Variants in ADGRB1 observed in about 807,000 individuals in gnomAD.
ADGRB1 encodes brain-specific angiogenesis inhibitor 1.
Under a neutral mutation model 175.7 loss-of-function variants are expected in ADGRB1, and 36 were observed. The ratio of observed to expected loss-of-function variants is 0.20; its 90% confidence interval spans 0.16 to 0.27. ADGRB1 has a LOEUF of 0.27. ADGRB1 is among the 10% of genes least tolerant of loss of function. The pLI, the probability that ADGRB1 is intolerant of heterozygous loss-of-function variation, is 1.00. For missense variants in ADGRB1, 1,731 were observed against 2,255.3 expected (o/e 0.77, Z 4.71); for synonymous variants, 1,054 against 979.4 (o/e 1.08, Z -1.42).
chr8:142,459,586 G>A (rs915441918), intron 1 of ADGRB1, among the ~76,000 whole-genome samples: 5 of 152,194 alleles, frequency 3.3e-5, no homozygotes, highest in Non-Finnish European at 5.9e-5. Context: ...AGTACAGCAC[G>A]AAGCCCAGGC....
chr8:142,525,459 C>T (rs1026663529), intron 23 of ADGRB1, among the ~76,000 whole-genome samples: 15 of 152,114 alleles, frequency 9.9e-5, no homozygotes, highest in Middle Eastern at 3.4e-3. Flanking sequence ...CTTGGGGCCA[C>T]GTGGGGCAGG....
intron 3 of ADGRB1, among the ~76,000 whole-genome samples, chr8:142,476,266 C>T (rs565856137): frequency 6.6e-6 from 1 of 152,284 alleles, no homozygotes; most frequent in East Asian, 1.9e-4. Flanking sequence ...CCCGGGGCAT[C>T]GGCTGGGCTG....
Position 142,493,809 on chromosome 8 carries a change from C to G in ADGRB1, c.2675+2994C>G, listed in dbSNP as rs1842091680. 6.6e-6 allele frequency among the ~76,000 whole-genome samples: 1 copy of G among 152,236 alleles called. No homozygotes were observed. The highest frequency in any genetic ancestry group is 1.5e-5 in the Non-Finnish European group (1 of 68,036). Reference sequence around the variant, plus strand: ...GGGAAGGACTGGGACTGACCTCGGTCCCCTTCCTTCTGCCCCTCACCTCCC... The same window carrying G: ...GGGAAGGACTGGGACTGACCTCGGTGCCCTTCCTTCTGCCCCTCACCTCCC... On this transcript the variant is annotated intron_variant, in intron 17 of 30. Transcript: ENST00000517894. This position sits in a 1 kb window ranked among gnomAD's most constrained non-coding sequence, Gnocchi z 5.0.
Position 142,542,482 on chromosome 8 carries a change from C to T in ADGRB1, c.4248C>T (p.Pro1416=). The T allele has an allele frequency of 7.6e-7, 1 of 1,312,568 alleles. No homozygotes were observed. The highest frequency in any genetic ancestry group is 1.0e-6 in the Non-Finnish European group (1 of 1,004,498). The allele number at this position is 1,312,568 out of a possible 1,614,324, so 81.3% of individuals were successfully genotyped here. The change falls in exon 28 of 31, where the codon CCC becomes CCT. Residue 1416 remains proline (P), a synonymous_variant. Coordinates refer to ENST00000517894, the MANE Select transcript of ADGRB1 (RefSeq NM_001702.3). This position sits in a 1 kb window ranked among gnomAD's most constrained non-coding sequence, Gnocchi z 6.3. ...APPAQPPPPP[P]PPPPPPQQPL... is the part of the protein sequence containing the mutation. ...CTGCCCAGCCCCCACCGCCTCCGCCCCCACCGCCACCACCTCCCCAGCAGC... is the reference window on the plus strand; with the variant it reads ...CTGCCCAGCCCCCACCGCCTCCGCCTCCACCGCCACCACCTCCCCAGCAGC...
chr8:142,533,117 T>C (rs7837059), intron 24 of ADGRB1, among the ~76,000 whole-genome samples, 178 bp from the exon 25 acceptor site: 53,548 of 151,824 alleles, frequency 0.35, 9,942 homozygotes, highest in East Asian at 0.69. Context: ...GCCTGGGCAG[T>C]GGTGGACCCC....
chr8:142,483,545 C>T (rs555777829), intron 11 of ADGRB1, among the ~76,000 whole-genome samples: 12 of 139,362 alleles, frequency 8.6e-5, no homozygotes, highest in Non-Finnish European at 1.5e-4. Context: ...TGCTGAGCCT[C>T]AATCCTAGTC....
At chr8:142,540,045 G>A (rs1022809618) in intron 27 of ADGRB1, 1 of 153,390 alleles carries the variant, frequency 6.5e-6, no homozygotes, top group African/African-American at 2.4e-5. Flanking sequence ...GACTGCGAGG[G>A]TCTGTTTCTG....
At chr8:142,465,219 G>A (rs543610542) in intron 2 of ADGRB1, among the ~76,000 whole-genome samples, 8 of 152,348 alleles carry the variant, frequency 5.3e-5, no homozygotes, top group Non-Finnish European at 8.8e-5. Context: ...CCATCCACCC[G>A]TGCACAGAGT....
intron 2 of ADGRB1, among the ~76,000 whole-genome samples, chr8:142,469,678 A>G (rs112611614): frequency 7.4e-6 from 1 of 135,070 alleles, no homozygotes; most frequent in Non-Finnish European, 1.6e-5. Flanking sequence ...TGTGCACGTG[A>G]ATGTGTGTGA....
intron 18 of ADGRB1, among the ~76,000 whole-genome samples, chr8:142,512,755 A>G (rs1397296287): frequency 6.6e-6 from 1 of 152,228 alleles, no homozygotes; most frequent in African/African-American, 2.4e-5. Flanking sequence ...GGCAGTCCCC[A>G]GGCGGTGGCA....
At chr8:142,471,896 C>G (rs1337011282) in intron 2 of ADGRB1, among the ~76,000 whole-genome samples, 1 of 152,252 alleles carries the variant, frequency 6.6e-6, no homozygotes, top group African/African-American at 2.4e-5. Flanking sequence ...GCAGGGGGCC[C>G]TGGTCTAGGT....
At chr8:142,478,155 C>T in intron 6 of ADGRB1, 32 bp from the exon 7 acceptor site, 1 of 1,579,962 alleles carries the variant, frequency 6.3e-7, no homozygotes, top group Non-Finnish European at 8.6e-7. Context: ...GCCGGGTGTT[C>T]ACGCCCACTT....
intron 17 of ADGRB1, among the ~76,000 whole-genome samples, chr8:142,494,117 C>G (rs1453649446): frequency 2.0e-5 from 3 of 152,134 alleles, no homozygotes; most frequent in African/African-American, 7.2e-5. Context: ...AGCCATCAGT[C>G]ACCATCAGCT....
rs984682585 is a variant in ADGRB1 at position 142,535,546 on chromosome 8, G to A, written c.3571-1441G>A. 2.0e-5 allele frequency among the ~76,000 whole-genome samples: 3 copies of A among 152,328 alleles called. No homozygotes were observed. The East Asian group carries it at 5.8e-4, about 29-fold the overall frequency. On this transcript the variant is annotated intron_variant, in intron 25 of 30. Coordinates refer to ENST00000517894, the MANE Select transcript of ADGRB1 (RefSeq NM_001702.3). Reference sequence around the variant, plus strand: ...CCTCAGCCTCGGGGGTGGTGGCCAGGGCTGCAGAGCATGCTGAGGAGGCTG... The same window carrying A: ...CCTCAGCCTCGGGGGTGGTGGCCAGAGCTGCAGAGCATGCTGAGGAGGCTG...
intron 26 of ADGRB1, among the ~76,000 whole-genome samples, chr8:142,538,369 T>C (rs1211875129): frequency 6.6e-6 from 1 of 152,160 alleles, no homozygotes; most frequent in Non-Finnish European, 1.5e-5. Context: ...CCACTTCGGC[T>C]CTTGGGTGAC....
chr8:142,514,258 C>T (rs1337976941), intron 18 of ADGRB1, among the ~76,000 whole-genome samples: 2 of 151,950 alleles, frequency 1.3e-5, no homozygotes, highest in Non-Finnish European at 2.9e-5. Flanking sequence ...CCCCGGGAGC[C>T]AGGGTGGGAT....
At chr8:142,462,727 G>A (rs965356555) in intron 1 of ADGRB1, among the ~76,000 whole-genome samples, 3 of 152,270 alleles carry the variant, frequency 2.0e-5, no homozygotes, top group African/African-American at 7.2e-5. Context: ...CAGGAGGCCG[G>A]GTGGCCTGGG....
intron 19 of ADGRB1, among the ~76,000 whole-genome samples, chr8:142,518,613 A>G (rs2132099933): frequency 6.6e-6 from 1 of 151,266 alleles, no homozygotes; most frequent in South Asian, 2.1e-4. Flanking sequence ...GCCCCTGCTC[A>G]CTCTCCACCC....
intron 6 of ADGRB1, among the ~76,000 whole-genome samples, chr8:142,477,979 GC>G (rs1841078437): frequency 6.6e-6 from 1 of 150,454 alleles, no homozygotes; most frequent in African/African-American, 2.5e-5. Context: ...TGGGGTGGTG[GC>G]CCCCAGGGTT....
Sources: gnomAD v4.1 joint callset for allele counts (sites outside exome capture counted in the v4.1 genomes callset) on GRCh38, gnomAD v4.1.1 for gene constraint, Gnocchi (gnomAD v3.1) non-coding constraint, MANE v1.5 for transcripts, NCBI Gene and HGNC (gene_info 2026-07-23, HGNC 2026-07-21) for gene names.